The following PRSS3 variants were observed in gnomAD, a reference collection of about 807,000 sequenced individuals.
The protein encoded by PRSS3 is trypsin-3.
PRSS3 carries 14 observed loss-of-function variants against 20.8 expected under a neutral mutation model. The ratio of observed to expected loss-of-function variants is 0.67; its 90% confidence interval spans 0.44 to 1.05. The LOEUF is 1.05. Ranked by LOEUF, PRSS3 falls within the 50% of genes least tolerant of loss-of-function variation. The probability of loss-of-function intolerance (pLI) is 0.00; values close to 1 mark genes in which losing one functional copy is unlikely to be tolerated. For synonymous variants in PRSS3, 91 were observed against 117.6 expected (o/e 0.77, Z 1.46); for missense variants, 237 against 306.4 (o/e 0.77, Z 1.69).
intron 1 of PRSS3, among the ~76,000 whole-genome samples, chr9:33,758,041 A>G (rs2118767461): frequency 6.6e-6 from 1 of 152,284 alleles, no homozygotes; most frequent in Admixed American, 6.5e-5. Flanking sequence ...CCTGAGCCAC[A>G]GTTCAGTTTG....
upstream of PRSS3, among the ~76,000 whole-genome samples, chr9:33,794,366 T>C (rs796739502): frequency 3.9e-5 from 6 of 152,314 alleles, no homozygotes; most frequent in East Asian, 1.2e-3. Context: ...ATCATTAGAC[T>C]TGATCACAGA....
intron 1 of PRSS3, among the ~76,000 whole-genome samples, chr9:33,788,633 G>A (rs894997425): frequency 6.6e-6 from 1 of 152,084 alleles, no homozygotes; most frequent in Non-Finnish European, 1.5e-5. Context: ...GGGTCTTCAC[G>A]TTATTCTGGA....
At chr9:33,779,581 A>G (rs952708020) in intron 1 of PRSS3, among the ~76,000 whole-genome samples, 8 of 152,294 alleles carry the variant, frequency 5.3e-5, no homozygotes, top group African/African-American at 1.9e-4. Flanking sequence ...AAAAATGAAC[A>G]AAACTGGCTG....
Position 33,799,168 on chromosome 9 carries a change from TGCCAACAGCTAAA to T in PRSS3, c.736_*4del. On this transcript the variant is annotated stop_lost and 3_prime_UTR_variant, in exon 5 of 5. Coordinates refer to ENST00000379405, the MANE Select transcript of PRSS3 (RefSeq NM_002771.4). ...TGGACTGGATTAAGGACACCATCGC[TGCCAACAGCTAAA>T]GCCCCCGGTCCCTCTGCAGTCTCTA... The T allele has an allele frequency of 6.2e-7, 1 of 1,614,150 alleles. No individual in the cohort carries two copies. Among genetic ancestry groups the T allele is most frequent in the Non-Finnish European group, 8.5e-7 (1 of 1,180,020 alleles).
At chr9:33,772,799 G>A (rs547070479) in intron 1 of PRSS3, among the ~76,000 whole-genome samples, 2 of 152,078 alleles carry the variant, frequency 1.3e-5, no homozygotes, top group East Asian at 1.9e-4. Context: ...TGTGTCTGCC[G>A]CCACAAACTG....
intron 1 of PRSS3, among the ~76,000 whole-genome samples, chr9:33,774,029 A>G (rs556517843): frequency 2.8e-4 from 42 of 152,374 alleles, no homozygotes; most frequent in African/African-American, 7.9e-4. Context: ...CCAGTTGTGT[A>G]TATTAGGAAA....
chr9:33,775,921 C>T (rs1425187217), intron 1 of PRSS3, among the ~76,000 whole-genome samples: 1 of 152,062 alleles, frequency 6.6e-6, no homozygotes, highest in Non-Finnish European at 1.5e-5. Flanking sequence ...CTAGGCTAGT[C>T]CTGAACTCCT....
intron 1 of PRSS3, among the ~76,000 whole-genome samples, chr9:33,774,256 C>G (rs1318627053): frequency 2.0e-5 from 3 of 152,128 alleles, no homozygotes; most frequent in African/African-American, 7.2e-5. Context: ...CATAATGTAG[C>G]TAATCTAATG....
At chr9:33,753,569 T>C (rs1822794138) in intron 1 of PRSS3, among the ~76,000 whole-genome samples, 2 of 152,232 alleles carry the variant, frequency 1.3e-5, no homozygotes, top group African/African-American at 4.8e-5. Flanking sequence ...AATCCCAGCC[T>C]GAAATGCCTA....
intron 1 of PRSS3, among the ~76,000 whole-genome samples, chr9:33,766,736 C>T (rs1407647693): frequency 1.3e-5 from 2 of 151,764 alleles, no homozygotes; most frequent in African/African-American, 4.8e-5. Context: ...AGACGGAAAG[C>T]GTATTACTGA....
At chr9:33,789,910 C>T (rs1421457222) in intron 1 of PRSS3, among the ~76,000 whole-genome samples, 1 of 152,066 alleles carries the variant, frequency 6.6e-6, no homozygotes, top group Non-Finnish European at 1.5e-5. Flanking sequence ...TTCTCCATGC[C>T]TTAATTTCTC....
At chr9:33,761,550 T>C (rs562863438) in intron 1 of PRSS3, among the ~76,000 whole-genome samples, 6 of 151,956 alleles carry the variant, frequency 3.9e-5, no homozygotes, top group Non-Finnish European at 7.4e-5. Flanking sequence ...CTACTAAAAT[T>C]ACAAAATTAG....
At chr9:33,763,842 C>T (rs1289376968) in intron 1 of PRSS3, among the ~76,000 whole-genome samples, 3 of 152,124 alleles carry the variant, frequency 2.0e-5, no homozygotes, top group Non-Finnish European at 4.4e-5. Flanking sequence ...TAGAACTCTG[C>T]CCACACTACC....
intron 1 of PRSS3, among the ~76,000 whole-genome samples, chr9:33,756,894 T>A (rs1260871042): frequency 6.6e-6 from 1 of 152,264 alleles, no homozygotes; most frequent in East Asian, 1.9e-4. Context: ...GTTGGAAGTT[T>A]TATACATGTT....
chr9:33,771,777 T>A (rs1823716774), intron 1 of PRSS3, among the ~76,000 whole-genome samples: 1 of 151,478 alleles, frequency 6.6e-6, no homozygotes, highest in South Asian at 2.1e-4. Flanking sequence ...CCCAGCTAAT[T>A]TTTTTTCTTT....
chr9:33,786,423 C>G, intron 1 of PRSS3: 1 of 681,250 alleles, frequency 1.5e-6, no homozygotes, highest in South Asian at 1.7e-5. Context: ...GGAGGCAGTG[C>G]CCTGGGGTCC....
At chr9:33,763,247 G>T (rs1199888595) in intron 1 of PRSS3, among the ~76,000 whole-genome samples, 1 of 152,162 alleles carries the variant, frequency 6.6e-6, no homozygotes, top group Non-Finnish European at 1.5e-5. Context: ...TGTGTGAGCT[G>T]GTTTCTATCC....
At chr9:33,770,709 C>T (rs561638530) in intron 1 of PRSS3, among the ~76,000 whole-genome samples, 1 of 152,280 alleles carries the variant, frequency 6.6e-6, no homozygotes, top group East Asian at 1.9e-4. Flanking sequence ...TATGTGAGGA[C>T]ACTGAGAGAA....
At chr9:33,777,213 T>C (rs1409621545) in intron 1 of PRSS3, among the ~76,000 whole-genome samples, 2 of 152,198 alleles carry the variant, frequency 1.3e-5, no homozygotes, top group East Asian at 3.9e-4. Context: ...AAAATTAAAA[T>C]ACCACAGTAA....
Sources: allele counts gnomAD v4.1 joint callset (sites outside exome capture counted in the v4.1 genomes callset), GRCh38; gene constraint gnomAD v4.1.1; transcripts MANE v1.5; gene names NCBI Gene and HGNC (gene_info 2026-07-23, HGNC 2026-07-21).